The following CEP83 variants were observed in gnomAD, a reference collection of about 807,000 sequenced individuals.
CEP83 encodes centrosomal protein 83, also known as centrosomal protein of 83 kDa.
A neutral mutation model predicts 101.9 loss-of-function variants in CEP83; 70 were observed. The ratio of observed to expected loss-of-function variants is 0.69; its 90% CI spans 0.57 to 0.84. The LOEUF is 0.84. Among genes scored for constraint, CEP83 ranks in the 40% least tolerant of loss-of-function variants. The pLI, the probability that CEP83 is intolerant of heterozygous loss-of-function variation, is 0.00. For missense variants in CEP83, 715 were observed against 787.2 expected (o/e 0.91, Z 1.10); for synonymous variants, 264 against 267.9 (o/e 0.99, Z 0.14).
In CEP83 at chr12:94,420,380, TC is replaced by T. The variant is rs1256927680; in HGVS notation, c.-101-7790del. ...CTAACAACTGAAACCTAGAAACAAATCCAATGACCATCAACAGTTGAAGAAA... is the reference window on the plus strand; with the variant it reads ...CTAACAACTGAAACCTAGAAACAAATCAATGACCATCAACAGTTGAAGAAA... On this transcript the variant is annotated intron_variant, in intron 2 of 16. Transcript: ENST00000397809. Among the ~76,000 whole-genome samples the T allele has an allele frequency of 3.8e-3, 575 of 152,192 alleles. 2 individuals carry two copies. The highest frequency in any genetic ancestry group is 0.013 in the African/African-American group (540 of 41,532).
chr12:94,429,321 G>A (rs188829290), intron 2 of CEP83, among the ~76,000 whole-genome samples: 5 of 152,262 alleles, frequency 3.3e-5, no homozygotes, highest in African/African-American at 1.2e-4. Flanking sequence ...CCACAGTAGA[G>A]GCCCTGGACC....
At chr12:94,453,648 TAA>T (rs1317813986) in intron 1 of CEP83, among the ~76,000 whole-genome samples, 1 of 152,164 alleles carries the variant, frequency 6.6e-6, no homozygotes, top group Non-Finnish European at 1.5e-5. Context: ...AACCCATATA[TAA>T]GAGAAATAAA....
chr12:94,405,554 CTGAAAGTA>C (rs1391090404), intron 4 of CEP83, among the ~76,000 whole-genome samples: 4 of 152,156 alleles, frequency 2.6e-5, no homozygotes, highest in Admixed American at 1.3e-4. Context: ...AAAAGTTAAA[CTGAAAGTA>C]AAAAGCCTTC....
intron 4 of CEP83, among the ~76,000 whole-genome samples, chr12:94,410,371 A>C (rs1443525774): frequency 6.6e-6 from 1 of 152,218 alleles, no homozygotes; most frequent in African/African-American, 2.4e-5. Flanking sequence ...TTACCACATG[A>C]GAAAACTAGG....
In CEP83 at chr12:94,378,953, A is replaced by G. The variant is rs376346402; in HGVS notation, c.639T>C (p.Leu213=). The change falls in exon 7 of 17, where the codon CTT becomes CTC. Residue 213 remains leucine (L), a synonymous_variant. Coordinates refer to ENST00000397809, the MANE Select transcript of CEP83 (RefSeq NM_016122.3). ...LTKDSKRVEQ[L]AREKVYLCQK... ...GACACAAATAGACTTTTTCTCGAGC[A>G]AGTTGTTCCACTCGTTTGCTGTCTT... 9.3e-6 allele frequency: 15 copies of G among 1,613,966 alleles called. No individual in the cohort carries two copies. The highest frequency in any genetic ancestry group is 1.3e-5 in the Non-Finnish European group (15 of 1,179,986).
chr12:94,306,738 A>G (rs1969061436), downstream of CEP83: 3 of 152,158 alleles, frequency 2.0e-5, no homozygotes, highest in Admixed American at 2.0e-4. Flanking sequence ...CTTAAAGGCA[A>G]TTCCTTTTTG....
chr12:94,372,439 T>C (rs1194591347), intron 8 of CEP83, among the ~76,000 whole-genome samples: 2 of 152,222 alleles, frequency 1.3e-5, no homozygotes, highest in African/African-American at 4.8e-5. Flanking sequence ...TTATAAATAC[T>C]TTAAAATTTT....
the CEP83 span, among the ~76,000 whole-genome samples, chr12:94,266,676 A>C: frequency 6.6e-6 from 1 of 152,226 alleles, no homozygotes; most frequent in Non-Finnish European, 1.5e-5. Context: ...AATGTTGGGC[A>C]AGTTTCTAAA....
chr12:94,301,214 T>C, the CEP83 span, among the ~76,000 whole-genome samples: 1 of 152,176 alleles, frequency 6.6e-6, no homozygotes, highest in African/African-American at 2.4e-5. Flanking sequence ...TTAAAATCTG[T>C]CTCATTATTT....
At chr12:94,342,332 C>G (rs1593267942) in intron 11 of CEP83, among the ~76,000 whole-genome samples, 1 of 152,046 alleles carries the variant, frequency 6.6e-6, no homozygotes, top group Non-Finnish European at 1.5e-5. Context: ...AAAGCATTTC[C>G]AAGTGTTGAG....
the CEP83 span, chr12:94,282,352 T>G: frequency 6.2e-7 from 1 of 1,614,100 alleles, no homozygotes; most frequent in South Asian, 1.1e-5. Context: ...AGTTCCTCCG[T>G]GATTCTTGAA....
intron 11 of CEP83, among the ~76,000 whole-genome samples, chr12:94,336,485 C>T (rs1253981470): frequency 1.3e-5 from 2 of 152,222 alleles, no homozygotes; most frequent in African/African-American, 4.8e-5. Context: ...CTAGACAACA[C>T]TCTCAAGACC....
rs34226482 is a variant in CEP83, at chr12:94,442,982, A to G, written c.-154-7655T>C. ...CCTCCTAGACAGTGTCCCAGACTTTAGTATTTTCTCATTCTTACATAGCCT... is the reference window on the plus strand; with the variant it reads ...CCTCCTAGACAGTGTCCCAGACTTTGGTATTTTCTCATTCTTACATAGCCT... On this transcript the variant is annotated intron_variant, in intron 1 of 16. Transcript: ENST00000397809. Among the ~76,000 whole-genome samples the G allele has an allele frequency of 3.2e-3, 492 of 152,354 alleles. 3 individuals are homozygous for G. The highest frequency in any genetic ancestry group is 5.0e-3 in the Non-Finnish European group (343 of 68,020).
chr12:94,390,973 T>C (rs1201259215), intron 6 of CEP83, among the ~76,000 whole-genome samples: 1 of 151,950 alleles, frequency 6.6e-6, no homozygotes, highest in East Asian at 1.9e-4. Flanking sequence ...AATATGGGAC[T>C]ATGTGAAAAG....
At chr12:94,370,585 C>T (rs142826970) in intron 8 of CEP83, among the ~76,000 whole-genome samples, 15 of 152,248 alleles carry the variant, frequency 9.9e-5, no homozygotes, top group African/African-American at 3.4e-4. Flanking sequence ...GCTATGTTGA[C>T]CAGGCTGGTC....
intron 4 of CEP83, 140 bp downstream of exon 4, chr12:94,411,557 T>C (rs2063882920): frequency 1.6e-6 from 1 of 623,528 alleles, no homozygotes; most frequent in Admixed American, 2.9e-5. Flanking sequence ...TGAAAGAAGA[T>C]TAAATTGTAC....
chr12:94,443,769 G>C (rs1320604260), intron 1 of CEP83, among the ~76,000 whole-genome samples: 1 of 151,996 alleles, frequency 6.6e-6, no homozygotes, highest in Non-Finnish European at 1.5e-5. Context: ...TTACAGGCAT[G>C]AGCCACTGTG....
chr12:94,413,196 A>G (rs2064019443), intron 2 of CEP83, among the ~76,000 whole-genome samples: 1 of 152,314 alleles, frequency 6.6e-6, no homozygotes, highest in South Asian at 2.1e-4. Flanking sequence ...CTCAGATTTT[A>G]ATTTGTTCAT....
At chr12:94,408,444 A>G (rs984350257) in intron 4 of CEP83, among the ~76,000 whole-genome samples, 1 of 152,204 alleles carries the variant, frequency 6.6e-6, no homozygotes, top group African/African-American at 2.4e-5. Flanking sequence ...CAAAAAGAGT[A>G]TATTAATCAT....
Sources: gnomAD v4.1 joint callset for allele counts (sites outside exome capture counted in the v4.1 genomes callset) on GRCh38, gnomAD v4.1.1 for gene constraint, MANE v1.5 for transcripts, NCBI Gene and HGNC (gene_info 2026-07-23, HGNC 2026-07-21) for gene names.